Variants in RALGAPA2 observed in about 807,000 individuals in gnomAD.
RALGAPA2 encodes ral GTPase-activating protein subunit alpha-2.
RALGAPA2 carries 139 observed loss-of-function variants against 230.4 expected under a neutral mutation model. The ratio of observed to expected loss-of-function variants is 0.60; its 90% CI spans 0.53 to 0.69. RALGAPA2 has a LOEUF of 0.69. Among genes scored for constraint, RALGAPA2 ranks in the 30% least tolerant of loss-of-function variants. RALGAPA2 has a pLI of 0.00. For synonymous variants in RALGAPA2, 847 were observed against 837.8 expected, an observed-to-expected ratio of 1.01 and a Z score of -0.19; for missense variants, 2,163 against 2,276.0, an observed-to-expected ratio of 0.95 and a Z score of 1.01.
At chr20:20,635,767 T>C (rs75627890) in intron 8 of RALGAPA2, 150 bp from the exon 9 acceptor site, 4 of 638,094 alleles carry the variant, frequency 6.3e-6, no homozygotes, top group Non-Finnish European at 1.0e-5. Flanking sequence ...AAAATGGCAT[T>C]TTTTTGGTAG....
At chr20:20,661,790 G>A (rs1445303742) in intron 3 of RALGAPA2, among the ~76,000 whole-genome samples, 2 of 151,992 alleles carry the variant, frequency 1.3e-5, no homozygotes, top group East Asian at 3.9e-4. Context: ...CAGAAAAGGA[G>A]GCTCACATGC....
At position 20,513,096 on chromosome 20, in the gene RALGAPA2, T is replaced by C. The variant is rs771716711; in HGVS notation, c.4273A>G (p.Asn1425Asp). The change falls in exon 32 of 40, where the codon AAC (asparagine) becomes GAC (aspartate). Residue 1425 changes from asparagine to aspartate, a missense_variant. Coordinates refer to ENST00000202677, the MANE Select transcript of RALGAPA2 (RefSeq NM_020343.4). ...ELSFEVFRSP[N>D]LQLFVFNDST... Reference sequence around the variant, plus strand: ...TCATTAAATACAAACAGCTGCAGGTTTGGACTTCTGAACACCTCAAAGGAC... The same window carrying C: ...TCATTAAATACAAACAGCTGCAGGTCTGGACTTCTGAACACCTCAAAGGAC... 1.3e-6 allele frequency: 2 copies of C among 1,598,646 alleles called. No individual in the cohort carries two copies. The highest frequency in any genetic ancestry group is 1.7e-5 in the Admixed American group (1 of 58,202).
rs191604055 is a variant in RALGAPA2, at chr20:20,583,081, T to C, written c.2676A>G (p.Gln892=). The change falls in exon 20 of 40, where the codon CAA becomes CAG. Residue 892 remains glutamine (Q), a synonymous_variant. Transcript: ENST00000202677. ...AATTTGAAGCATCGGTGGGACTCAG[T>C]TGTAACCAATGACGGGCATCAGCAT... ...VADADARHWL[Q]LSPTDASNLT... The C allele has an allele frequency of 9.3e-4, 1,494 of 1,613,562 alleles. 14 individuals carry two copies. In the African/African-American group the frequency reaches 0.017, roughly 19 times the overall value.
intron 1 of RALGAPA2, 140 bp from the exon 2 acceptor site, chr20:20,680,941 T>A: frequency 7.2e-7 from 1 of 1,388,560 alleles, no homozygotes; most frequent in Non-Finnish European, 9.4e-7. Context: ...AGTATTCCTG[T>A]TTGTTTATTC....
chr20:20,558,657 T>A (rs2064162264), intron 23 of RALGAPA2, among the ~76,000 whole-genome samples: 1 of 151,922 alleles, frequency 6.6e-6, no homozygotes. Context: ...GGGAAATGCA[T>A]TAGAAAGATC....
At chr20:20,580,983 T>C (rs2145999098) in intron 20 of RALGAPA2, among the ~76,000 whole-genome samples, 1 of 152,330 alleles carries the variant, frequency 6.6e-6, no homozygotes, top group East Asian at 1.9e-4. Context: ...AATTGCTCTC[T>C]TAAGAACAGA....
At position 20,472,969 on chromosome 20, in the gene RALGAPA2, A is replaced by G; in HGVS notation, c.5368-13T>C. ...CAAAAAATGGAACCTGTTGATTTGA[A>G]ATGGAAAAACAAATTTTAAAAACTG... is the stretch of plus-strand genomic sequence containing the variant. On this transcript the variant is annotated splice_polypyrimidine_tract_variant and intron_variant, in intron 36 of 39. Coordinates refer to ENST00000202677, the MANE Select transcript of RALGAPA2 (RefSeq NM_020343.4). 6.3e-7 allele frequency: 1 copy of G among 1,589,048 alleles called. No individual in the cohort carries two copies. The highest frequency in any genetic ancestry group is 1.2e-5 in the South Asian group (1 of 86,794).
intron 39 of RALGAPA2, 130 bp from the exon 40 acceptor site, chr20:20,393,383 C>A: frequency 1.8e-6 from 1 of 542,716 alleles, no homozygotes. Flanking sequence ...GACCTCCTCC[C>A]ACGCTATGCC....
At chr20:20,480,256 GT>G (rs1306061065) in intron 36 of RALGAPA2, among the ~76,000 whole-genome samples, 1 of 152,190 alleles carries the variant, frequency 6.6e-6, no homozygotes, top group Non-Finnish European at 1.5e-5. Context: ...GAAGAACTGG[GT>G]AGGGACTTGC....
In RALGAPA2 at chr20:20,595,642, A is replaced by C. The variant is rs148647159; in HGVS notation, c.2204-4328T>G. Among the ~76,000 whole-genome samples the C allele has an allele frequency of 1.2e-3, 181 of 152,308 alleles. 1 individual carries two copies. Among genetic ancestry groups the C allele is most frequent in the African/African-American group, 4.1e-3 (169 of 41,566 alleles). ...AGTGCTACAGATTGATAAATGTTTTAACCTAAAAAGCAGTTAAAATTGTAG... is the reference window on the plus strand; with the variant it reads ...AGTGCTACAGATTGATAAATGTTTTCACCTAAAAAGCAGTTAAAATTGTAG... On this transcript the variant is annotated intron_variant, in intron 16 of 39. Coordinates refer to ENST00000202677, the MANE Select transcript of RALGAPA2 (RefSeq NM_020343.4).
chr20:20,625,666 CTATTT>C (rs1359314899), intron 10 of RALGAPA2, among the ~76,000 whole-genome samples: 2 of 152,044 alleles, frequency 1.3e-5, no homozygotes, highest in Non-Finnish European at 2.9e-5. Context: ...TTGTTCTATT[CTATTT>C]TATTCTGTTT....
At chr20:20,700,489 C>T (rs985829120) in intron 1 of RALGAPA2, among the ~76,000 whole-genome samples, 2 of 152,156 alleles carry the variant, frequency 1.3e-5, no homozygotes, top group Non-Finnish European at 1.5e-5. Context: ...TCCTCACTAG[C>T]TGTAACAGGT....
chr20:20,678,606 C>T (rs115744467), intron 2 of RALGAPA2, among the ~76,000 whole-genome samples: 96 of 152,224 alleles, frequency 6.3e-4, no homozygotes, highest in African/African-American at 2.2e-3. Context: ...AACTCACTTC[C>T]CCCAACACCT....
At chr20:20,432,651 C>T (rs764710613) in intron 37 of RALGAPA2, among the ~76,000 whole-genome samples, 1 of 151,776 alleles carries the variant, frequency 6.6e-6, no homozygotes, top group Admixed American at 6.6e-5. Context: ...TTTCAATATT[C>T]GGAAACACTG....
chr20:20,573,082 C>T lies in RALGAPA2; in HGVS notation c.2708-14G>A. The T allele has an allele frequency of 6.3e-7, 1 of 1,588,688 alleles. No homozygotes were observed. The highest frequency in any genetic ancestry group is 8.6e-7 in the Non-Finnish European group (1 of 1,165,638). On this transcript the variant is annotated splice_polypyrimidine_tract_variant and intron_variant, in intron 20 of 39. Coordinates refer to ENST00000202677, the MANE Select transcript of RALGAPA2 (RefSeq NM_020343.4). ...ACTCGCTGCTATCTATGCAGAAAAA[C>T]ATGTCTGTTAACCCTGTAAACAATC...
intron 17 of RALGAPA2, among the ~76,000 whole-genome samples, chr20:20,590,951 A>T (rs1260547942): frequency 6.6e-6 from 1 of 152,184 alleles, no homozygotes; most frequent in Non-Finnish European, 1.5e-5. Context: ...CCTTTAAAAA[A>T]GTGGGTATAT....
intron 9 of RALGAPA2, among the ~76,000 whole-genome samples, chr20:20,633,518 C>T (rs1277400226): frequency 6.6e-6 from 1 of 152,106 alleles, no homozygotes. Flanking sequence ...CTTACAGTCT[C>T]GCTCTGTCGC....
At chr20:20,545,184 G>A (rs886306055) in intron 24 of RALGAPA2, among the ~76,000 whole-genome samples, 2 of 151,950 alleles carry the variant, frequency 1.3e-5, no homozygotes, top group African/African-American at 2.4e-5. Flanking sequence ...AATTATTTAC[G>A]ATAAAGCCAC....
chr20:20,474,164 G>A (rs1215808190), intron 36 of RALGAPA2, among the ~76,000 whole-genome samples: 1 of 152,174 alleles, frequency 6.6e-6, no homozygotes, highest in Non-Finnish European at 1.5e-5. Context: ...TTCAGTAAAG[G>A]CCTAAAGAAA....
Sources: allele counts gnomAD v4.1 joint callset (sites outside exome capture counted in the v4.1 genomes callset), GRCh38; gene constraint gnomAD v4.1.1; transcripts MANE v1.5; gene names NCBI Gene and HGNC (gene_info 2026-07-23, HGNC 2026-07-21).